The following NRG3 variants were observed in gnomAD, a reference collection of about 807,000 sequenced individuals.
The protein encoded by NRG3 is pro-neuregulin-3, membrane-bound isoform.
A neutral mutation model predicts 66.9 loss-of-function variants in NRG3; 31 were observed. The observed-to-expected ratio is 0.46, with a 90% confidence interval of 0.35 to 0.63. The LOEUF is 0.63. Ranked by LOEUF, NRG3 falls within the 20% of genes least tolerant of loss-of-function variation. The probability of loss-of-function intolerance (pLI) is 0.00; values close to 1 mark genes in which losing one functional copy is unlikely to be tolerated. For synonymous variants in NRG3, 393 were observed against 359.4 expected, an observed-to-expected ratio of 1.09 and a Z score of -1.06; for missense variants, 910 against 878.9, an observed-to-expected ratio of 1.04 and a Z score of -0.45.
At chr10:82,205,854 T>G (rs1044298182) in intron 1 of NRG3, among the ~76,000 whole-genome samples, 14 of 152,186 alleles carry the variant, frequency 9.2e-5, no homozygotes, top group Admixed American at 6.5e-5. Context: ...AGAAATAGGT[T>G]TTCTGCCTTT....
chr10:82,925,629 C>T (rs1846906882), intron 4 of NRG3, among the ~76,000 whole-genome samples: 1 of 152,194 alleles, frequency 6.6e-6, no homozygotes, highest in African/African-American at 2.4e-5. Context: ...TGGAAGACTC[C>T]TTTGCCAAGG....
intron 1 of NRG3, among the ~76,000 whole-genome samples, chr10:82,267,662 C>T (rs530912049): frequency 1.3e-5 from 2 of 152,138 alleles, no homozygotes; most frequent in Non-Finnish European, 2.9e-5. Flanking sequence ...ACAATTTGCT[C>T]GGCATTTCAA....
chr10:82,394,989 G>A (rs976432667), intron 2 of NRG3, among the ~76,000 whole-genome samples: 1 of 152,146 alleles, frequency 6.6e-6, no homozygotes, highest in Non-Finnish European at 1.5e-5. Flanking sequence ...CCCACTTTTT[G>A]ATTTGGGGTT....
intron 1 of NRG3, among the ~76,000 whole-genome samples, chr10:82,017,294 A>G (rs930565734): frequency 1.3e-5 from 2 of 152,202 alleles, no homozygotes; most frequent in Non-Finnish European, 2.9e-5. Context: ...ATAGTATTCC[A>G]TGGTGTATAT....
At chr10:81,960,840 G>C (rs1341885563) in intron 1 of NRG3, among the ~76,000 whole-genome samples, 1 of 152,000 alleles carries the variant, frequency 6.6e-6, no homozygotes, top group Non-Finnish European at 1.5e-5. Context: ...TTTCAAGGTG[G>C]TGACACCCTC....
chr10:82,640,147 T>C (rs1405730062), intron 2 of NRG3, among the ~76,000 whole-genome samples: 1 of 152,210 alleles, frequency 6.6e-6, no homozygotes, highest in African/African-American at 2.4e-5. Context: ...GACACAGCAA[T>C]ACCATTACTG....
intron 1 of NRG3, among the ~76,000 whole-genome samples, chr10:82,288,946 G>A (rs1192789463): frequency 6.6e-6 from 1 of 152,140 alleles, no homozygotes; most frequent in African/African-American, 2.4e-5. Context: ...TGTAATGACT[G>A]CTGGACTTGG....
intron 2 of NRG3, among the ~76,000 whole-genome samples, chr10:82,450,205 G>A (rs558851522): frequency 1.2e-4 from 19 of 152,206 alleles, no homozygotes; most frequent in African/African-American, 4.1e-4. Context: ...TTTAAGTTAG[G>A]ATTTAATTAC....
chr10:82,106,446 A>C (rs2132178851), intron 1 of NRG3, among the ~76,000 whole-genome samples: 1 of 152,230 alleles, frequency 6.6e-6, no homozygotes, highest in Non-Finnish European at 1.5e-5. Flanking sequence ...CAATCACCTA[A>C]GGTTAGGCTA....
At chr10:82,857,611 T>G (rs1194718766) in intron 3 of NRG3, among the ~76,000 whole-genome samples, 6 of 152,186 alleles carry the variant, frequency 3.9e-5, no homozygotes, top group Admixed American at 2.6e-4. Context: ...AAACTGACAT[T>G]TAGTTTATTT....
chr10:82,517,120 T>C (rs1845733778), intron 2 of NRG3, among the ~76,000 whole-genome samples: 2 of 152,198 alleles, frequency 1.3e-5, no homozygotes, highest in South Asian at 4.1e-4. Flanking sequence ...CCACACTCTT[T>C]CTATCTGACA....
chr10:81,960,172 T>A (rs140890932), intron 1 of NRG3, among the ~76,000 whole-genome samples: 3 of 152,338 alleles, frequency 2.0e-5, no homozygotes, highest in Non-Finnish European at 4.4e-5. Context: ...TTTTTCTTGC[T>A]GTTATGTATT....
At chr10:81,941,684 T>A (rs559617732) in intron 1 of NRG3, among the ~76,000 whole-genome samples, 1 of 152,262 alleles carries the variant, frequency 6.6e-6, no homozygotes, top group South Asian at 2.1e-4. Flanking sequence ...CTGCTTTTCC[T>A]AGCAGTATGT....
chr10:82,560,345 G>T (rs1274939475), intron 2 of NRG3, among the ~76,000 whole-genome samples: 1 of 150,924 alleles, frequency 6.6e-6, no homozygotes, highest in Non-Finnish European at 1.5e-5. Flanking sequence ...TTAAGTTCAG[G>T]CTATGTTTTA....
intron 1 of NRG3, among the ~76,000 whole-genome samples, chr10:82,265,466 A>G (rs12098365): frequency 6.6e-6 from 1 of 152,216 alleles, no homozygotes; most frequent in Non-Finnish European, 1.5e-5. Context: ...AGAGGTCAAG[A>G]AACAACTAAA....
chr10:82,973,961 T>G (rs753522660), intron 7 of NRG3, 46 bp downstream of exon 7: 28 of 1,608,952 alleles, frequency 1.7e-5, no homozygotes, highest in Non-Finnish European at 2.4e-5. Context: ...TCACACTGTG[T>G]GTATGCTGGG....
At chr10:82,078,412 A>G (rs1353535356) in intron 1 of NRG3, among the ~76,000 whole-genome samples, 4 of 152,284 alleles carry the variant, frequency 2.6e-5, no homozygotes, top group South Asian at 2.1e-4. Context: ...GTGCAGTGGC[A>G]CGATCTCGGC....
intron 6 of NRG3, among the ~76,000 whole-genome samples, chr10:82,964,838 C>T (rs1444107256): frequency 6.6e-6 from 1 of 152,206 alleles, no homozygotes. Context: ...ACCCTACTTT[C>T]ATTTAACCTT....
At chr10:82,124,417 T>C (rs1203296097) in intron 1 of NRG3, among the ~76,000 whole-genome samples, 2 of 152,166 alleles carry the variant, frequency 1.3e-5, no homozygotes, top group African/African-American at 2.4e-5. Flanking sequence ...AAATATATAC[T>C]TTTTACCCCA....
Sources: gnomAD v4.1 joint callset for allele counts (sites outside exome capture counted in the v4.1 genomes callset) on GRCh38, gnomAD v4.1.1 for gene constraint, MANE v1.5 for transcripts, NCBI Gene and HGNC (gene_info 2026-07-23, HGNC 2026-07-21) for gene names.